Variants in CNIH3 observed in about 807,000 individuals in gnomAD.
CNIH3 encodes cornichon family AMPA receptor auxiliary protein 3.
CNIH3 carries 14 observed loss-of-function variants against 24.1 expected under a neutral mutation model. The observed-to-expected ratio is 0.58, with a 90% CI of 0.38 to 0.91. The LOEUF (loss-of-function observed/expected upper bound fraction) is 0.91. CNIH3 is among the 40% of genes least tolerant of loss of function. CNIH3 has a pLI of 0.00. For missense variants in CNIH3, 178 were observed against 196.8 expected (o/e 0.90, Z 0.57); for synonymous variants, 68 against 73.8 (o/e 0.92, Z 0.40).
chr1:224,562,795 C>T (rs1006203590), intron 3 of CNIH3, among the ~76,000 whole-genome samples: 15 of 152,326 alleles, frequency 9.8e-5, no homozygotes, highest in Non-Finnish European at 1.9e-4. Context: ...TCCTCTTCCA[C>T]TGCAACTGGA....
chr1:224,484,201 C>G (rs539647767), intron 1 of CNIH3, among the ~76,000 whole-genome samples: 1 of 148,748 alleles, frequency 6.7e-6, no homozygotes, highest in African/African-American at 2.5e-5. Flanking sequence ...GAGGCCGAGG[C>G]GGGCAGATCA....
intron 3 of CNIH3, among the ~76,000 whole-genome samples, chr1:224,562,016 C>T (rs1335066301): frequency 6.6e-6 from 1 of 152,018 alleles, no homozygotes; most frequent in East Asian, 1.9e-4. Flanking sequence ...GAAGACACCT[C>T]CAACATTGAG....
intron 1 of CNIH3, among the ~76,000 whole-genome samples, chr1:224,665,078 A>G (rs1387907061): frequency 6.6e-6 from 1 of 152,140 alleles, no homozygotes; most frequent in Non-Finnish European, 1.5e-5. Context: ...AATTTTTTAT[A>G]AGGTAGAGTA....
intron 1 of CNIH3, among the ~76,000 whole-genome samples, chr1:224,676,373 C>T (rs1233530663): frequency 6.6e-6 from 1 of 151,876 alleles, no homozygotes; most frequent in Non-Finnish European, 1.5e-5. Context: ...GGGGGTGTTG[C>T]AGGAGGGAAT....
intron 2 of CNIH3, among the ~76,000 whole-genome samples, chr1:224,535,398 T>A (rs1293033164): frequency 6.6e-6 from 1 of 152,220 alleles, no homozygotes; most frequent in African/African-American, 2.4e-5. Context: ...GACTTCAGAC[T>A]GCAAGAGAAT....
chr1:224,519,948 G>A (rs922778062), intron 1 of CNIH3, among the ~76,000 whole-genome samples: 4 of 152,162 alleles, frequency 2.6e-5, no homozygotes, highest in Non-Finnish European at 2.9e-5. Flanking sequence ...CTGTTGGACA[G>A]TGCAGAATAG....
upstream of CNIH3, among the ~76,000 whole-genome samples, chr1:224,514,528 T>C (rs184715101): frequency 1.3e-5 from 2 of 152,288 alleles, no homozygotes; most frequent in African/African-American, 4.8e-5. Context: ...CATATTAAGA[T>C]AAAGAATTAA....
intron 1 of CNIH3, among the ~76,000 whole-genome samples, chr1:224,669,932 T>A (rs984672629): frequency 6.6e-6 from 1 of 152,160 alleles, no homozygotes; most frequent in Admixed American, 6.5e-5. Flanking sequence ...CTGTTGTGCC[T>A]TTTACACAAT....
chr1:224,671,061 C>A (rs941364481), intron 1 of CNIH3, among the ~76,000 whole-genome samples: 2 of 152,274 alleles, frequency 1.3e-5, no homozygotes, highest in Non-Finnish European at 2.9e-5. Flanking sequence ...GGCCTTTGGA[C>A]TTGAACCATG....
intron 2 of CNIH3, chr1:224,546,769 A>G (rs1679719348): frequency 2.8e-6 from 1 of 351,490 alleles, no homozygotes; most frequent in African/African-American, 2.2e-5. Context: ...TAAGGTCAGC[A>G]GAGCCTCAGC....
chr1:224,459,271 C>G, intron 1 of CNIH3: 1 of 952,902 alleles, frequency 1.0e-6, no homozygotes, highest in East Asian at 1.2e-4. Context: ...GGCCGAAACC[C>G]TGATGACTTC....
At chr1:224,533,521 C>G (rs1189572976) in intron 2 of CNIH3, among the ~76,000 whole-genome samples, 1 of 152,028 alleles carries the variant, frequency 6.6e-6, no homozygotes, top group Non-Finnish European at 1.5e-5. Flanking sequence ...AATGTATTAT[C>G]TCATCGTTCT....
chr1:224,680,533 C>A (rs1572711409), intron 1 of CNIH3, among the ~76,000 whole-genome samples: 1 of 152,310 alleles, frequency 6.6e-6, no homozygotes, highest in Non-Finnish European at 1.5e-5. Context: ...TTCCTTCTCA[C>A]CTGACTTCTG....
chr1:224,437,935 C>CA (rs1194785895), intron 1 of CNIH3, among the ~76,000 whole-genome samples: 1 of 141,980 alleles, frequency 7.0e-6, no homozygotes, highest in African/African-American at 2.6e-5. Context: ...TTTTTGGAGA[C>CA]AGAGTTTCGC....
chr1:224,535,262 C>T (rs535067616), intron 2 of CNIH3, among the ~76,000 whole-genome samples: 5 of 151,932 alleles, frequency 3.3e-5, no homozygotes, highest in African/African-American at 4.8e-5. Flanking sequence ...AACTCCATGC[C>T]GTGACAGAGG....
intron 1 of CNIH3, among the ~76,000 whole-genome samples, chr1:224,667,755 A>T (rs1306975201): frequency 8.3e-6 from 1 of 120,536 alleles, no homozygotes; most frequent in African/African-American, 3.9e-5. Flanking sequence ...CAGTCCAATA[A>T]AAAAAAAAAA....
At chr1:224,439,743 C>A (rs1330276227) in intron 1 of CNIH3, among the ~76,000 whole-genome samples, 2 of 152,038 alleles carry the variant, frequency 1.3e-5, no homozygotes, top group East Asian at 3.9e-4. Context: ...TCCCGAGTAG[C>A]TGGGACTACA....
intron 1 of CNIH3, among the ~76,000 whole-genome samples, chr1:224,506,287 G>GCGCACACACA (rs372343004): frequency 3.4e-5 from 5 of 147,428 alleles, no homozygotes; most frequent in East Asian, 2.0e-4. Flanking sequence ...GCGCGCGCGC[G>GCGCACACACA]CACACACACA....
intron 1 of CNIH3, among the ~76,000 whole-genome samples, chr1:224,631,172 C>A (rs1683803820): frequency 6.6e-6 from 1 of 152,050 alleles, no homozygotes; most frequent in Non-Finnish European, 1.5e-5. Context: ...CAAACAACAA[C>A]AACAACAACA....
Sources: allele counts gnomAD v4.1 joint callset (sites outside exome capture counted in the v4.1 genomes callset), GRCh38; gene constraint gnomAD v4.1.1; transcripts MANE v1.5; gene names NCBI Gene and HGNC (gene_info 2026-07-23, HGNC 2026-07-21).